The following CATSPERB variants were observed in gnomAD, a reference collection of about 807,000 sequenced individuals.
CATSPERB encodes catsper channel auxiliary subunit beta, also known as cation channel sperm-associated auxiliary subunit beta.
Under a neutral mutation model 128.3 loss-of-function variants are expected in CATSPERB, and 93 were observed. The observed-to-expected ratio is 0.72, with a 90% confidence interval of 0.61 to 0.86. CATSPERB has a LOEUF of 0.86. CATSPERB is among the 40% of genes least tolerant of loss of function. The pLI is 0.00. For synonymous variants in CATSPERB, 381 were observed against 448.8 expected (o/e 0.85, Z 1.91); for missense variants, 1,153 against 1,329.5 (o/e 0.87, Z 2.06).
intron 15 of CATSPERB, among the ~76,000 whole-genome samples, chr14:91,657,035 A>G (rs1473380187): frequency 6.6e-6 from 1 of 152,132 alleles, no homozygotes; most frequent in Non-Finnish European, 1.5e-5. Context: ...AGAGCTAAGG[A>G]AAGAGATAGA....
In CATSPERB at chr14:91,692,228, G is replaced by T. The variant is rs973149467; in HGVS notation, c.832-673C>A. Reference sequence around the variant, plus strand: ...GTGTGCTGGCATATGCAAGTCTGCCGCCCATTTGGGTTTAGGAAGGCACAC... The same window carrying T: ...GTGTGCTGGCATATGCAAGTCTGCCTCCCATTTGGGTTTAGGAAGGCACAC... On this transcript the variant is annotated intron_variant, in intron 9 of 26. Transcript: ENST00000256343. 2.7e-5 allele frequency among the ~76,000 whole-genome samples: 4 copies of T among 149,314 alleles called. No homozygotes were observed. In the East Asian group the frequency reaches 7.9e-4, roughly 29 times the overall value.
At chr14:91,715,286 G>C (rs898515464) in intron 5 of CATSPERB, among the ~76,000 whole-genome samples, 1 of 152,088 alleles carries the variant, frequency 6.6e-6, no homozygotes, top group Non-Finnish European at 1.5e-5. Flanking sequence ...TCCCAGCAAG[G>C]CATGGTGGTT....
chr14:91,596,713 A>G (rs1043781834), intron 22 of CATSPERB, among the ~76,000 whole-genome samples: 3 of 152,176 alleles, frequency 2.0e-5, no homozygotes, highest in Non-Finnish European at 4.4e-5. Flanking sequence ...AGTTTCCTAT[A>G]CATTTGGAAC....
chr14:91,712,763 C>T (rs1004773097), intron 5 of CATSPERB, among the ~76,000 whole-genome samples: 1 of 152,170 alleles, frequency 6.6e-6, no homozygotes, highest in African/African-American at 2.4e-5. Context: ...CAAGATTGAA[C>T]GCCATTTCTT....
intron 5 of CATSPERB, 29 bp from the exon 6 acceptor site, chr14:91,708,265 A>C (rs764345518): frequency 2.1e-6 from 3 of 1,397,098 alleles, no homozygotes; most frequent in Non-Finnish European, 3.0e-6. Context: ...CAAATAATCA[A>C]CTATTTTTTC....
At chr14:91,624,749 A>G in intron 18 of CATSPERB, 71 bp downstream of exon 18, 1 of 1,165,902 alleles carries the variant, frequency 8.6e-7, no homozygotes, top group Non-Finnish European at 1.2e-6. Context: ...ATAAGCATTA[A>G]AATGCCTTCA....
intron 4 of CATSPERB, among the ~76,000 whole-genome samples, chr14:91,721,000 C>A (rs1355113341): frequency 2.0e-5 from 3 of 152,126 alleles, no homozygotes; most frequent in Admixed American, 1.3e-4. Flanking sequence ...TTCTACAAGT[C>A]ATGCTAGGAT....
chr14:91,601,433 C>G (rs943636425), intron 22 of CATSPERB, among the ~76,000 whole-genome samples: 2 of 151,982 alleles, frequency 1.3e-5, no homozygotes, highest in Non-Finnish European at 2.9e-5. Context: ...GGGTGAGAGC[C>G]AAATGTAAAT....
chr14:91,674,905 C>A (rs1378515470), intron 11 of CATSPERB, among the ~76,000 whole-genome samples: 1 of 152,200 alleles, frequency 6.6e-6, no homozygotes, highest in African/African-American at 2.4e-5. Context: ...TGAATGCCTC[C>A]CACCCCAAGT....
intron 22 of CATSPERB, among the ~76,000 whole-genome samples, chr14:91,596,633 C>T (rs1281711658): frequency 6.6e-6 from 1 of 152,102 alleles, no homozygotes; most frequent in East Asian, 1.9e-4. Context: ...CTCTGTGGCA[C>T]AGGATAATTT....
chr14:91,605,556 C>A (rs1291309338), intron 22 of CATSPERB, among the ~76,000 whole-genome samples: 1 of 152,184 alleles, frequency 6.6e-6, no homozygotes, highest in African/African-American at 2.4e-5. Flanking sequence ...ATTTCCACGG[C>A]CGAGGAGATC....
At chr14:91,591,836 C>T (rs1419302797) in intron 23 of CATSPERB, 56 bp downstream of exon 23, 1 of 1,230,370 alleles carries the variant, frequency 8.1e-7, no homozygotes, top group East Asian at 2.3e-5. Flanking sequence ...AGGCACATTT[C>T]AAAATCTTGT....
At position 91,601,062 on chromosome 14, in the gene CATSPERB, A is replaced by G. The variant is rs1893600975; in HGVS notation, c.2709+7232T>C. Among the ~76,000 whole-genome samples, 3 of 152,240 alleles carry G rather than the reference A, an allele frequency of 2.0e-5. No individual in the cohort carries two copies. In the South Asian group the frequency reaches 6.2e-4, roughly 31 times the overall value. ...ACACCTATGTTAATTATCAGCTGCA[A>G]ATGACAACTTTATGTGAGGTTTCTA... On this transcript the variant is annotated intron_variant, in intron 22 of 26. Transcript: ENST00000256343.
chr14:91,608,462 T>C, intron 21 of CATSPERB, 58 bp from the exon 22 acceptor site: 3 of 1,047,166 alleles, frequency 2.9e-6, no homozygotes, highest in Non-Finnish European at 4.3e-6. Context: ...CTTTAATTTA[T>C]AGATCTTGAC....
At chr14:91,648,294 A>G (rs544607770) in intron 15 of CATSPERB, among the ~76,000 whole-genome samples, 81 of 152,330 alleles carry the variant, frequency 5.3e-4, no homozygotes, top group African/African-American at 1.6e-3. Context: ...TTTTAATGGC[A>G]TGATGAAATT....
chr14:91,659,689 A>AGGATCCTACTTCTGT (rs1894841567), intron 15 of CATSPERB, 148 bp downstream of exon 15: 7 of 681,482 alleles, frequency 1.0e-5, no homozygotes, highest in African/African-American at 9.5e-5. Flanking sequence ...GACTATCCAT[A>AGGATCCTACTTCTGT]GGATCCTACT....
rs1895702364 is a variant in CATSPERB at position 91,704,412 on chromosome 14, T to C, written c.616+140A>G. 5.1e-6 allele frequency: 4 copies of C among 789,600 alleles called. No individual in the cohort carries two copies. The South Asian group carries it at 6.7e-5, about 13-fold the overall frequency. 48.9% of individuals were successfully genotyped at this position (789,600 alleles called of 1,614,324 possible). A position where few individuals can be genotyped will look rare whatever the true frequency, so the allele number is the denominator to read the frequency against. ...ACTTGGAAGTAGACAAGATACAGTA[T>C]TGAATAATAAATTTTTAGGTATTTT... On this transcript the variant is annotated intron_variant, in intron 7 of 26. Transcript: ENST00000256343.
Position 91,621,764 on chromosome 14 carries a change from T to C in CATSPERB, c.2104A>G (p.Asn702Asp). The change falls in exon 19 of 27, where the codon AAC (asparagine) becomes GAC (aspartate). Residue 702 changes from asparagine to aspartate, a missense_variant. Transcript: ENST00000256343. ...TFLKSTWFLY[N>D]FGQRNGRTWK... ...GTTCGTCCATTCCTTTGCCCAAAGT[T>C]GTATAAGAACCATGTGCTCTTTAGA... The C allele has an allele frequency of 1.9e-6, 3 of 1,614,174 alleles. No individual in the cohort carries two copies. Among genetic ancestry groups the C allele is most frequent in the Non-Finnish European group, 2.5e-6 (3 of 1,180,022 alleles).
At chr14:91,674,114 A>G (rs992124325) in intron 12 of CATSPERB, 62 bp downstream of exon 12, 33 of 923,216 alleles carry the variant, frequency 3.6e-5, no homozygotes, top group Non-Finnish European at 5.3e-5. Context: ...ATTAATCCCA[A>G]TCCATGAAGT....
Sources: allele counts gnomAD v4.1 joint callset (sites outside exome capture counted in the v4.1 genomes callset), GRCh38; gene constraint gnomAD v4.1.1; transcripts MANE v1.5; gene names NCBI Gene and HGNC (gene_info 2026-07-23, HGNC 2026-07-21).